The following SLC25A16 variants were observed in gnomAD, a reference collection of about 807,000 sequenced individuals.
The protein encoded by SLC25A16 is solute carrier family 25 member 16, also known as mitochondrial coenzyme A transporter SLC25A16.
SLC25A16 carries 39 observed loss-of-function variants against 41.5 expected under a neutral mutation model. The observed-to-expected ratio is 0.94, with a 90% confidence interval of 0.73 to 1.23. The LOEUF (loss-of-function observed/expected upper bound fraction) is 1.23, where lower values mean the gene tolerates loss of function less well. Ranked by LOEUF, SLC25A16 falls within the 50% of genes most tolerant of loss-of-function variation. The pLI is 0.00. For missense variants in SLC25A16, 421 were observed against 426.9 expected, an observed-to-expected ratio of 0.99 and a Z score of 0.12; for synonymous variants, 146 against 147.8, an observed-to-expected ratio of 0.99 and a Z score of 0.09.
chr10:68,491,696 T>C, intron 6 of SLC25A16, among the ~76,000 whole-genome samples: 1 of 152,164 alleles, frequency 6.6e-6, no homozygotes, highest in East Asian at 1.9e-4. Flanking sequence ...TAAAACTAGT[T>C]GTTACCTGAC....
chr10:68,514,353 G>A (rs778719369), intron 2 of SLC25A16, among the ~76,000 whole-genome samples: 3 of 151,980 alleles, frequency 2.0e-5, no homozygotes, highest in Non-Finnish European at 4.4e-5. Flanking sequence ...AAAATTAGCC[G>A]GGCGTGGTGG....
Position 68,494,507 on chromosome 10 carries a change from G to A in SLC25A16, c.422-937C>T, listed in dbSNP as rs560990302. Among the ~76,000 whole-genome samples the A allele has an allele frequency of 9.0e-5, 13 of 144,704 alleles. 2 individuals carry two copies. In the South Asian group the frequency reaches 2.6e-3, roughly 29 times the overall value. 94.9% of individuals were successfully genotyped at this position (144,704 alleles called of 152,430 possible). A position where few individuals can be genotyped will look rare whatever the true frequency, so the allele number is the denominator to read the frequency against. On this transcript the variant is annotated intron_variant, in intron 4 of 8. Transcript: ENST00000609923. ...GGAGGGAAGGGGAGGAGGGAGGGGAGGAGAGACGGGAGGGGAGGAGAGAGA... is the reference window on the plus strand; with the variant it reads ...GGAGGGAAGGGGAGGAGGGAGGGGAAGAGAGACGGGAGGGGAGGAGAGAGA...
At chr10:68,487,327 T>C in intron 7 of SLC25A16, 115 bp from the exon 8 acceptor site, 1 of 748,500 alleles carries the variant, frequency 1.3e-6, no homozygotes, top group East Asian at 2.6e-5. Context: ...CTTATTGTTC[T>C]GTCTAACCTA....
At chr10:68,506,506 TA>T in intron 3 of SLC25A16, 78 bp downstream of exon 3, 1 of 961,338 alleles carries the variant, frequency 1.0e-6, no homozygotes. Flanking sequence ...TACATATTTT[TA>T]AATGTCCAAA....
At chr10:68,510,526 G>C (rs1209034785) in intron 2 of SLC25A16, among the ~76,000 whole-genome samples, 1 of 150,966 alleles carries the variant, frequency 6.6e-6, no homozygotes, top group South Asian at 2.1e-4. Context: ...TGGGTGACAA[G>C]AGTGAAACTA....
intron 1 of SLC25A16, among the ~76,000 whole-genome samples, chr10:68,524,750 C>T (rs1203553059): frequency 2.0e-5 from 3 of 150,796 alleles, no homozygotes; most frequent in Admixed American, 1.3e-4. Context: ...TGGTGGTGCA[C>T]GCCTGTAATC....
intron 8 of SLC25A16, among the ~76,000 whole-genome samples, chr10:68,486,586 C>G (rs2052567528): frequency 6.6e-6 from 1 of 151,672 alleles, no homozygotes; most frequent in African/African-American, 2.4e-5. Context: ...GTTGGCCAGG[C>G]TGGTCTCAAA....
Position 68,493,589 on chromosome 10 carries a change from T to C in SLC25A16, c.422-19A>G, listed in dbSNP as rs898533948. On this transcript the variant is annotated intron_variant, in intron 4 of 8. Transcript: ENST00000609923. ...GTCATACCTGAAAAGAAAGTAGAAA[T>C]TTAGAGGTACAATGAATTTTTGATA... 1.2e-6 allele frequency: 2 copies of C among 1,600,616 alleles called. No individual in the cohort carries two copies. The highest frequency in any genetic ancestry group is 1.3e-5 in the African/African-American group (1 of 74,684).
In SLC25A16 at chr10:68,487,216, AAAG is replaced by A. The variant is rs777513362; in HGVS notation, c.774-7_774-5del. 9.3e-6 allele frequency: 15 copies of A among 1,612,578 alleles called. No individual in the cohort carries two copies. In the East Asian group the frequency reaches 3.1e-4, roughly 34 times the overall value. On this transcript the variant is annotated splice_region_variant and splice_polypyrimidine_tract_variant and intron_variant, in intron 7 of 8. Coordinates refer to ENST00000609923, the MANE Select transcript of SLC25A16 (RefSeq NM_152707.4). ...ACGAGTCACATCAAATGGGTAGCTA[AAAG>A]AAGAAAAAGGCATAAAGAATTAAAA... is the stretch of plus-strand genomic sequence containing the variant.
At position 68,483,533 on chromosome 10, in the gene SLC25A16, G is replaced by C; in HGVS notation, c.898C>G (p.Leu300Val). The change falls in exon 9 of 9, where the codon CTC (leucine) becomes GTC (valine). Residue 300 changes from leucine (L) to valine (V), a missense_variant. Physicochemically the swap from Leu to Val is conservative, Grantham distance 32. Transcript: ENST00000609923. ...VYGHHGIRKG[L>V]YRGLSLNYIR... is the part of the protein sequence containing the mutation. The stretch of plus-strand genomic sequence containing the variant: ...TAATTAAGAGATAAACCACGATAGA[G>C]TCCTTTTCGAATTCCATGGTGTCCA... 6.2e-7 allele frequency: 1 copy of C among 1,611,362 alleles called. No individual in the cohort carries two copies. The highest frequency in any genetic ancestry group is 8.5e-7 in the Non-Finnish European group (1 of 1,178,244).
intron 6 of SLC25A16, among the ~76,000 whole-genome samples, chr10:68,491,174 T>C (rs1291695643): frequency 6.6e-6 from 1 of 151,942 alleles, no homozygotes. Context: ...CCACCATGCC[T>C]GGCCACACCA....
At position 68,527,202 on chromosome 10, in the gene SLC25A16, C is replaced by T. The variant is rs1293708209; in HGVS notation, c.130+44G>A. 3 of 1,539,870 alleles carry T rather than the reference C, an allele frequency of 1.9e-6. No individual in the cohort carries two copies. In the Admixed American group the frequency reaches 6.2e-5, roughly 32 times the overall value. ...CATCCCACTTGCCCACAGTCCTGCC[C>T]CCGCCACTCAGAGCGCGGCTGGCTC... On this transcript the variant is annotated intron_variant, in intron 1 of 8. Transcript: ENST00000609923.
intron 8 of SLC25A16, among the ~76,000 whole-genome samples, chr10:68,486,150 G>A (rs77909090): frequency 0.086 from 12,730 of 148,634 alleles, 975 homozygotes; most frequent in African/African-American, 0.21. Flanking sequence ...CCCGGAAGGG[G>A]GAGGTTGCAG....
chr10:68,501,080 C>A (rs988387173), intron 4 of SLC25A16, among the ~76,000 whole-genome samples: 4 of 151,650 alleles, frequency 2.6e-5, no homozygotes, highest in Admixed American at 2.6e-4. Flanking sequence ...GGTGAAACCC[C>A]GTCTCTACTA....
intron 1 of SLC25A16, among the ~76,000 whole-genome samples, chr10:68,523,745 G>T (rs2053286625): frequency 6.6e-6 from 1 of 152,084 alleles, no homozygotes; most frequent in African/African-American, 2.4e-5. Flanking sequence ...GAAGTGCTGG[G>T]ATTACAGGTG....
In SLC25A16 at chr10:68,521,766, T is replaced by C. The variant is rs530202646; in HGVS notation, c.131-4923A>G. Among the ~76,000 whole-genome samples the C allele has an allele frequency of 5.7e-4, 87 of 151,484 alleles. No homozygotes were observed. The South Asian group carries it at 0.012, about 21-fold the overall frequency. ...CCGCCACTACGCCCGGCTAATTTTTTGTATTTTTTTTTAGTAGAGACGGGG... is the reference window on the plus strand; with the variant it reads ...CCGCCACTACGCCCGGCTAATTTTTCGTATTTTTTTTTAGTAGAGACGGGG... On this transcript the variant is annotated intron_variant, in intron 1 of 8. Transcript: ENST00000609923.
Position 68,480,444 on chromosome 10 carries a change from A to G in SLC25A16, c.*2988T>C, listed in dbSNP as rs1364684085. On this transcript the variant is annotated 3_prime_UTR_variant, in exon 9 of 9. Transcript: ENST00000609923. ...ACATATAGAATGCAAATTTTTATTT[A>G]AAAGATATTTGCAATCCCCTTTTAC... 6.6e-6 allele frequency: 1 copy of G among 150,622 alleles called. No homozygotes were observed. 9.3% of individuals were successfully genotyped at this position (150,622 alleles called of 1,614,324 possible).
Position 68,483,581 on chromosome 10 carries a change from G to T in SLC25A16, c.850C>A (p.Arg284=), listed in dbSNP as rs763985940. ...LPEFEKCLTM[R]DTMKYVYGHH... is the part of the protein sequence containing the mutation. ...CCATAGACATACTTCATAGTATCCC[G>T]CATGGTACTGAAAGACAATGATTAA... Residue 284 remains arginine (R), a synonymous_variant, in exon 9 of 9, where the codon CGG becomes AGG. Transcript: ENST00000609923. The T allele has an allele frequency of 1.3e-6, 2 of 1,597,112 alleles. No homozygotes were observed. The highest frequency in any genetic ancestry group is 8.5e-7 in the Non-Finnish European group (1 of 1,173,038).
intron 4 of SLC25A16, among the ~76,000 whole-genome samples, chr10:68,499,120 T>C (rs1188699207): frequency 6.6e-6 from 1 of 151,844 alleles, no homozygotes; most frequent in African/African-American, 2.4e-5. Flanking sequence ...AAAGGAGGGT[T>C]GGGGGAGAGA....
Sources: gnomAD v4.1 joint callset for allele counts (sites outside exome capture counted in the v4.1 genomes callset) on GRCh38, gnomAD v4.1.1 for gene constraint, MANE v1.5 for transcripts, NCBI Gene and HGNC (gene_info 2026-07-23, HGNC 2026-07-21) for gene names.